LMBRD1: variants seen among roughly 807,000 people sequenced by gnomAD.
LMBRD1 encodes the protein LMBR1 domain containing 1.
LMBRD1 carries 64 observed loss-of-function variants against 74.8 expected under a neutral mutation model. That is an observed-to-expected ratio of 0.86 (90% CI 0.70 to 1.05). The LOEUF is 1.05. Among genes scored for constraint, LMBRD1 ranks in the 50% least tolerant of loss-of-function variants. LMBRD1 has a pLI of 0.00. For synonymous variants in LMBRD1, 204 were observed against 216.3 expected, an observed-to-expected ratio of 0.94 and a Z score of 0.50; for missense variants, 652 against 645.9, an observed-to-expected ratio of 1.01 and a Z score of -0.10.
chr6:69,703,839 CAT>C (rs1381536770), intron 9 of LMBRD1, among the ~76,000 whole-genome samples: 1 of 152,024 alleles, frequency 6.6e-6, no homozygotes, highest in African/African-American at 2.4e-5. Flanking sequence ...CAAATTTTAA[CAT>C]GTTACCTTAT....
intron 9 of LMBRD1, chr6:69,706,017 A>G (rs1766248350): frequency 2.6e-6 from 2 of 771,602 alleles, no homozygotes; most frequent in Admixed American, 1.7e-5. Context: ...CAGCCCCTAA[A>G]CTGACCGTTC....
At chr6:69,735,510 A>C (rs1167447540) in intron 7 of LMBRD1, among the ~76,000 whole-genome samples, 1 of 152,114 alleles carries the variant, frequency 6.6e-6, no homozygotes, top group Non-Finnish European at 1.5e-5. Context: ...TCTTTTAAGG[A>C]TAGCTTAACC....
chr6:69,767,708 TC>T (rs1434352909), intron 3 of LMBRD1, among the ~76,000 whole-genome samples: 2 of 151,922 alleles, frequency 1.3e-5, no homozygotes, highest in African/African-American at 4.8e-5. Context: ...TTTAAGTTCA[TC>T]AGTATTGTTG....
At chr6:69,775,201 A>ATAC (rs1562122010) in intron 3 of LMBRD1, among the ~76,000 whole-genome samples, 1 of 152,144 alleles carries the variant, frequency 6.6e-6, no homozygotes, top group Non-Finnish European at 1.5e-5. Context: ...TTACCCTCTC[A>ATAC]TACTTCAACA....
intron 9 of LMBRD1, chr6:69,706,178 T>G (rs1766253414): frequency 2.1e-6 from 1 of 477,836 alleles, no homozygotes. Context: ...CAGCACACAC[T>G]TAGGTGGGAG....
chr6:69,779,028 A>G (rs1425216318), intron 3 of LMBRD1, among the ~76,000 whole-genome samples: 1 of 152,022 alleles, frequency 6.6e-6, no homozygotes, highest in African/African-American at 2.4e-5. Context: ...TCTGCTAAAA[A>G]TACAAAAATT....
chr6:69,785,041 C>T (rs1765917165), intron 2 of LMBRD1, among the ~76,000 whole-genome samples: 1 of 152,160 alleles, frequency 6.6e-6, no homozygotes, highest in African/African-American at 2.4e-5. Flanking sequence ...CTCAACCTAA[C>T]CACCCTACTG....
At chr6:69,681,802 T>C (rs4706274) in intron 14 of LMBRD1, among the ~76,000 whole-genome samples, 23,601 of 151,920 alleles carry the variant, frequency 0.16, 2,534 homozygotes, top group East Asian at 0.5. Flanking sequence ...CTTGCTACTA[T>C]TGAATATTTA....
At position 69,738,896 on chromosome 6, in the gene LMBRD1, TAATAA is replaced by T. The variant is rs367715144; in HGVS notation, c.563-886_563-882del. On this transcript the variant is annotated intron_variant, in intron 6 of 15. Transcript: ENST00000649934. ...ATTGACATTAATCTTTTATGAGTAC[TAATAA>T]AATTATAATGATCTATCATCTTAAA... 6.6e-5 allele frequency among the ~76,000 whole-genome samples: 10 copies of T among 152,294 alleles called. No homozygotes were observed. In the East Asian group the frequency reaches 1.9e-3, roughly 29 times the overall value.
chr6:69,738,144 A>T, intron 6 of LMBRD1, 129 bp from the exon 7 acceptor site: 2 of 617,126 alleles, frequency 3.2e-6, no homozygotes, highest in South Asian at 2.3e-5. Context: ...GTATTACCGT[A>T]TTCTTGAAGT....
At chr6:69,699,424 T>C (rs111533253) in intron 12 of LMBRD1, among the ~76,000 whole-genome samples, 22 of 151,912 alleles carry the variant, frequency 1.4e-4, no homozygotes, top group East Asian at 7.7e-4. Flanking sequence ...TAGAAGTTCA[T>C]GGAGCTAACT....
In LMBRD1 at chr6:69,680,427, G is replaced by A. The variant is rs78313899; in HGVS notation, c.1418-3886C>T. Among the ~76,000 whole-genome samples, 649 of 152,116 alleles carry A rather than the reference G, an allele frequency of 4.3e-3. 8 individuals carry two copies. Among genetic ancestry groups the A allele is most frequent in the African/African-American group, 0.015 (613 of 41,532 alleles). ...GCCAGAACAGGGCTAACAAAACAGA[G>A]GCTGAGCTGGCAGAAGCAAGATAAA... On this transcript the variant is annotated intron_variant, in intron 14 of 15. Coordinates refer to ENST00000649934, the MANE Select transcript of LMBRD1 (RefSeq NM_018368.4).
chr6:69,703,256 A>T (rs1245626156), intron 9 of LMBRD1, among the ~76,000 whole-genome samples: 1 of 152,016 alleles, frequency 6.6e-6, no homozygotes, highest in East Asian at 1.9e-4. Context: ...TCAGGCATCT[A>T]TATTTGGTAC....
intron 8 of LMBRD1, 122 bp downstream of exon 8, chr6:69,718,834 T>C (rs1190997863): frequency 6.2e-6 from 6 of 972,286 alleles, no homozygotes; most frequent in East Asian, 5.1e-5. Context: ...GTACCAGATA[T>C]GCTGCAAAAA....
At chr6:69,749,803 G>A (rs1475143761) in intron 4 of LMBRD1, among the ~76,000 whole-genome samples, 1 of 149,490 alleles carries the variant, frequency 6.7e-6, no homozygotes, top group Non-Finnish European at 1.5e-5. Context: ...ATACGTTTGT[G>A]TTTGAGTATA....
chr6:69,775,012 AGGGAGGGAGGGAGG>A (rs1765667346), intron 3 of LMBRD1, among the ~76,000 whole-genome samples: 3 of 51,112 alleles, frequency 5.9e-5, no homozygotes, highest in Non-Finnish European at 8.4e-5. Flanking sequence ...GGAGGGAGGG[AGGGAGGGAGGGAGG>A]GAGGGAGGGA....
chr6:69,752,403 T>C, intron 3 of LMBRD1, 47 bp from the exon 4 acceptor site: 1 of 1,409,500 alleles, frequency 7.1e-7, no homozygotes, highest in Non-Finnish European at 1.0e-6. Flanking sequence ...ACATATGTAC[T>C]TAATCATGGT....
At chr6:69,770,216 T>C (rs1022249641) in intron 3 of LMBRD1, among the ~76,000 whole-genome samples, 1 of 152,180 alleles carries the variant, frequency 6.6e-6, no homozygotes, top group Admixed American at 6.5e-5. Flanking sequence ...ACCACCCAAC[T>C]GAGTGAGTCC....
chr6:69,675,533 T>C lies in LMBRD1; in HGVS notation c.*625A>G, dbSNP rs1372703558. Reference sequence around the variant, plus strand: ...GCAAAACAAAAGCTACCTATAACAATATGTATGCCTTAAATACTGTAGAGG... The same window carrying C: ...GCAAAACAAAAGCTACCTATAACAACATGTATGCCTTAAATACTGTAGAGG... On this transcript the variant is annotated 3_prime_UTR_variant, in exon 16 of 16. Coordinates refer to ENST00000649934, the MANE Select transcript of LMBRD1 (RefSeq NM_018368.4). Among the ~76,000 whole-genome samples the C allele has an allele frequency of 6.6e-6, 1 of 152,118 alleles. No homozygotes were observed. Among genetic ancestry groups the C allele is most frequent in the East Asian group, 1.9e-4 (1 of 5,188 alleles).
Sources: gnomAD v4.1 joint callset for allele counts (sites outside exome capture counted in the v4.1 genomes callset) on GRCh38, gnomAD v4.1.1 for gene constraint, MANE v1.5 for transcripts, NCBI Gene and HGNC (gene_info 2026-07-23, HGNC 2026-07-21) for gene names.